The following FRMPD4 variants were observed in gnomAD, a reference collection of about 807,000 sequenced individuals.
The protein encoded by FRMPD4 is FERM and PDZ domain containing 4, also known as FERM and PDZ domain-containing protein 4.
Under a neutral mutation model 94.1 loss-of-function variants are expected in FRMPD4, and 22 were observed. The ratio of observed to expected loss-of-function variants is 0.23; its 90% CI spans 0.17 to 0.33. FRMPD4 has a LOEUF of 0.33. Among genes scored for constraint, FRMPD4 ranks in the 10% least tolerant of loss-of-function variants. The pLI, the probability that FRMPD4 is intolerant of heterozygous loss-of-function variation, is 1.00. For synonymous variants in FRMPD4, 631 were observed against 548.6 expected (o/e 1.15, Z -2.10); for missense variants, 1,111 against 1,339.9 (o/e 0.83, Z 2.67).
chrX:12,267,929 C>G (rs778642967), intron 1 of FRMPD4, among the ~76,000 whole-genome samples: 3 of 112,835 alleles, frequency 2.7e-5, no homozygotes, highest in Non-Finnish European at 5.6e-5. Context: ...TTGGCAAAAG[C>G]AGTGGTGGTT....
At chrX:11,916,476 A>G (rs938112130) in intron 3 of FRMPD4, among the ~76,000 whole-genome samples, 5 of 111,062 alleles carry the variant, frequency 4.5e-5, no homozygotes, top group Non-Finnish European at 9.4e-5. Context: ...TCAGGCTGAG[A>G]GAGTGTGGAG....
Position 12,539,011 on chromosome X carries a change from C to T in FRMPD4, c.158+40215C>T, listed in dbSNP as rs140564190. On this transcript the variant is annotated intron_variant, in intron 2 of 16. Coordinates refer to ENST00000675598, the MANE Select transcript of FRMPD4 (RefSeq NM_001368397.1). The stretch of plus-strand genomic sequence containing the variant: ...TGCGAGCTAAAGGAGGAAGTTCAAA[C>T]CCATCGCAAAGAAGCTAAAAACTTT... Among the ~76,000 whole-genome samples the T allele has an allele frequency of 7.3e-3, 819 of 111,730 alleles. 3 individuals are homozygous for T. The highest frequency in any genetic ancestry group is 0.037 in the Middle Eastern group (8 of 217).
At chrX:12,229,049 G>T (rs147762589) in intron 1 of FRMPD4, among the ~76,000 whole-genome samples, 24 of 112,228 alleles carry the variant, frequency 2.1e-4, no homozygotes, top group Non-Finnish European at 2.8e-4. Flanking sequence ...ATACGTGAAA[G>T]CTTCTCCTTT....
rs753213552 is a variant in FRMPD4 at position 12,226,464 on chromosome X, A to G, written c.41+87452A>G. On this transcript the variant is annotated intron_variant, in intron 1 of 16. Transcript: ENST00000675598. The stretch of plus-strand genomic sequence containing the variant: ...CTTCATAATCTGCATTTAGGTCTCA[A>G]TTCCAGATAGCCAGTCCCTAAATAT... Among the ~76,000 whole-genome samples the G allele has an allele frequency of 5.4e-5, 6 of 111,852 alleles. No homozygotes were observed. The South Asian group carries it at 2.3e-3, about 42-fold the overall frequency.
rs1301076790 is a variant in FRMPD4 at position 12,006,176 on chromosome X, G to T, written c.95+128158G>T. On this transcript the variant is annotated intron_variant, in intron 3 of 18. Transcript: ENST00000640291. ...TATTAGAAAAGCTCCTGCCTCTTTT[G>T]ATTTTCTGGTCCCCTCAAACGTAGG... 2.7e-5 allele frequency among the ~76,000 whole-genome samples: 3 copies of T among 111,534 alleles called. No homozygotes were observed. The Admixed American group carries it at 2.9e-4, about 11-fold the overall frequency.
chrX:12,097,107 T>C (rs1289201699), intron 3 of FRMPD4, among the ~76,000 whole-genome samples: 2 of 112,313 alleles, frequency 1.8e-5, no homozygotes, highest in African/African-American at 3.2e-5. Flanking sequence ...GTAATTGATA[T>C]ACCCATATAC....
At chrX:11,868,764 G>C (rs1463737453) in intron 2 of FRMPD4, among the ~76,000 whole-genome samples, 1 of 112,355 alleles carries the variant, frequency 8.9e-6, no homozygotes, top group Non-Finnish European at 1.9e-5. Flanking sequence ...GTTTGCATCA[G>C]GGTTTGGTAA....
chrX:12,541,016 A>C (rs2058403928), intron 2 of FRMPD4, among the ~76,000 whole-genome samples: 1 of 112,156 alleles, frequency 8.9e-6, no homozygotes, highest in African/African-American at 3.2e-5. Context: ...ATGAAGGCAG[A>C]AATAAAGATG....
intron 3 of FRMPD4, among the ~76,000 whole-genome samples, chrX:11,930,167 T>C (rs1249672495): frequency 1.2e-5 from 1 of 85,906 alleles, no homozygotes; most frequent in Non-Finnish European, 2.3e-5. Flanking sequence ...CATATAGACA[T>C]GTGAAAAAGC....
chrX:12,272,005 A>G (rs962647425), intron 1 of FRMPD4, among the ~76,000 whole-genome samples: 1 of 112,448 alleles, frequency 8.9e-6, no homozygotes, highest in African/African-American at 3.2e-5. Context: ...GATTAACAAC[A>G]GGGATTATGG....
chrX:12,075,826 G>A (rs1178108282), intron 3 of FRMPD4, among the ~76,000 whole-genome samples: 1 of 112,189 alleles, frequency 8.9e-6, no homozygotes, highest in Non-Finnish European at 1.9e-5. Flanking sequence ...AAAGAGCACT[G>A]GGAAGTTGAA....
intron 1 of FRMPD4, among the ~76,000 whole-genome samples, chrX:12,447,054 C>T (rs950280300): frequency 9.0e-6 from 1 of 111,199 alleles, no homozygotes. Flanking sequence ...AGTCTGGTCC[C>T]TCAGATCCCT....
intron 4 of FRMPD4, among the ~76,000 whole-genome samples, chrX:12,653,634 C>T (rs2059619784): frequency 9.1e-6 from 1 of 110,437 alleles, no homozygotes; most frequent in South Asian, 3.8e-4. Flanking sequence ...AATCTGCAAC[C>T]TTAGAGACTG....
chrX:12,498,829 C>A, intron 2 of FRMPD4, 33 bp downstream of exon 2: 1 of 776,610 alleles, frequency 1.3e-6, no homozygotes, highest in Non-Finnish European at 1.9e-6. Flanking sequence ...ACAATAGAAT[C>A]CTTGGCCAAT....
intron 3 of FRMPD4, among the ~76,000 whole-genome samples, chrX:12,041,158 A>G (rs1193610783): frequency 1.8e-5 from 2 of 112,097 alleles, no homozygotes; most frequent in Non-Finnish European, 3.8e-5. Context: ...TTAGCAATAT[A>G]GTGTTATAAT....
chrX:12,370,847 A>G (rs892295901), intron 1 of FRMPD4, among the ~76,000 whole-genome samples: 1 of 112,088 alleles, frequency 8.9e-6, no homozygotes, highest in Non-Finnish European at 1.9e-5. Flanking sequence ...GGACTTTATC[A>G]TTAAGAATAT....
chrX:12,612,493 A>C (rs2059193213), intron 3 of FRMPD4, among the ~76,000 whole-genome samples: 1 of 112,566 alleles, frequency 8.9e-6, no homozygotes, highest in Admixed American at 9.4e-5. Context: ...GATTTTCTGT[A>C]GTAGGCAATC....
intron 1 of FRMPD4, chrX:12,373,399 C>G (rs1220778399): frequency 8.9e-6 from 1 of 112,085 alleles, no homozygotes; most frequent in Non-Finnish European, 1.9e-5. Flanking sequence ...AAGTAATAAT[C>G]AGATGCTGAA....
chrX:12,110,881 T>C (rs2055354392), intron 3 of FRMPD4, among the ~76,000 whole-genome samples: 1 of 110,944 alleles, frequency 9.0e-6, no homozygotes, highest in African/African-American at 3.3e-5. Flanking sequence ...AAGGACCTCT[T>C]CAAGGAGAAC....
Sources: allele counts gnomAD v4.1 joint callset (sites outside exome capture counted in the v4.1 genomes callset), GRCh38; gene constraint gnomAD v4.1.1; transcripts MANE v1.5; gene names NCBI Gene and HGNC (gene_info 2026-07-23, HGNC 2026-07-21).